The following CMIP variants were observed in gnomAD, a reference collection of about 807,000 sequenced individuals.
The protein encoded by CMIP is C-Maf-inducing protein.
Under a neutral mutation model 97.3 loss-of-function variants are expected in CMIP, and 13 were observed. That is an observed-to-expected ratio of 0.13 (90% CI 0.09 to 0.21). The LOEUF is 0.21. Ranked by LOEUF, CMIP falls within the 10% of genes least tolerant of loss-of-function variation. The pLI, the probability that CMIP is intolerant of heterozygous loss-of-function variation, is 1.00. For missense variants in CMIP, 847 were observed against 1,024.9 expected, an observed-to-expected ratio of 0.83 and a Z score of 2.37; for synonymous variants, 538 against 436.3, an observed-to-expected ratio of 1.23 and a Z score of -2.91.
intron 1 of CMIP, among the ~76,000 whole-genome samples, chr16:81,510,266 C>T (rs917689541): frequency 2.6e-5 from 4 of 152,166 alleles, no homozygotes; most frequent in Non-Finnish European, 5.9e-5. Flanking sequence ...GAGCAGGTGT[C>T]AGGGCCCTTG....
intron 1 of CMIP, among the ~76,000 whole-genome samples, chr16:81,546,245 A>G (rs2090544491): frequency 1.3e-5 from 2 of 152,272 alleles, no homozygotes; most frequent in South Asian, 2.1e-4. Flanking sequence ...GAGAAGACAG[A>G]CTTGCCCTAC....
chr16:81,604,465 C>T (rs921601695), intron 1 of CMIP, among the ~76,000 whole-genome samples: 22 of 148,636 alleles, frequency 1.5e-4, no homozygotes, highest in South Asian at 8.6e-4. Context: ...TTTGGGAGAC[C>T]GAAGCAGGTG....
chr16:81,518,591 T>C (rs2089961234), intron 1 of CMIP: 1 of 152,220 alleles, frequency 6.6e-6, no homozygotes, highest in Admixed American at 6.5e-5. Flanking sequence ...TGTGTTTATT[T>C]CTGAGCAGCC....
intron 1 of CMIP, among the ~76,000 whole-genome samples, chr16:81,492,103 A>G (rs1184805475): frequency 6.6e-6 from 1 of 152,168 alleles, no homozygotes; most frequent in Non-Finnish European, 1.5e-5. Flanking sequence ...ATGATGAAAG[A>G]TCATTTGGAA....
At chr16:81,467,616 T>C (rs1355386902) in intron 1 of CMIP, among the ~76,000 whole-genome samples, 1 of 151,506 alleles carries the variant, frequency 6.6e-6, no homozygotes, top group Non-Finnish European at 1.5e-5. Context: ...AGTCTCGTTC[T>C]GTCACCCAGG....
chr16:81,670,942 C>T (rs1180484158), intron 8 of CMIP, among the ~76,000 whole-genome samples: 1 of 152,130 alleles, frequency 6.6e-6, no homozygotes, highest in Non-Finnish European at 1.5e-5. Flanking sequence ...AATTCTCCTG[C>T]CTCAGCCTCC....
chr16:81,703,887 G>A, intron 17 of CMIP, 52 bp from the exon 18 acceptor site: 1 of 1,552,760 alleles, frequency 6.4e-7, no homozygotes, highest in Non-Finnish European at 8.7e-7. Context: ...AGGGCTCAGG[G>A]TCTCGGGAAC....
chr16:81,580,250 C>T (rs187987982), intron 1 of CMIP, among the ~76,000 whole-genome samples: 215 of 152,302 alleles, frequency 1.4e-3, no homozygotes, highest in Non-Finnish European at 2.5e-3. Context: ...AGGGGACAGA[C>T]AAGAATCAGA....
chr16:81,703,921 TC>T lies in CMIP; in HGVS notation c.1945-13del, dbSNP rs750822610. On this transcript the variant is annotated splice_polypyrimidine_tract_variant and intron_variant, in intron 17 of 20. Coordinates refer to ENST00000537098, the MANE Select transcript of CMIP (RefSeq NM_198390.3). ...ACTCCCAGCAGCACCCTCAGGCCTC[TC>T]CCCCGTCTGCCCGCAGGACGCTGAC... 3.8e-6 allele frequency: 6 copies of T among 1,585,254 alleles called. No individual in the cohort carries two copies. The highest frequency in any genetic ancestry group is 3.5e-5 in the Admixed American group (2 of 57,774).
chr16:81,488,796 T>G (rs1597469802), intron 1 of CMIP, among the ~76,000 whole-genome samples: 1 of 152,094 alleles, frequency 6.6e-6, no homozygotes, highest in Non-Finnish European at 1.5e-5. Flanking sequence ...GCAGGCCCAG[T>G]GTGATCTGGA....
rs1381233392 is a variant in CMIP, at chr16:81,627,727, A to G, written c.477+6801A>G. ...GGGGACTGAGCGTCCAAGTGGATAA[A>G]GGATGAGGATAAAGGACCGTGCCAA... On this transcript the variant is annotated intron_variant, in intron 3 of 20. Transcript: ENST00000537098. This position sits in a 1 kb window ranked among gnomAD's most constrained non-coding sequence, Gnocchi z 4.6. Among the ~76,000 whole-genome samples the G allele has an allele frequency of 6.6e-6, 1 of 152,146 alleles. No homozygotes were observed. Among genetic ancestry groups the G allele is most frequent in the Non-Finnish European group, 1.5e-5 (1 of 68,016 alleles).
At chr16:81,568,049 T>TTTG (rs1567584440) in intron 1 of CMIP, among the ~76,000 whole-genome samples, 14 of 149,696 alleles carry the variant, frequency 9.4e-5, no homozygotes, top group African/African-American at 3.2e-4. Flanking sequence ...GTTTTTTTTT[T>TTTG]TTTTTTTTTT....
rs2092087083 is a variant in CMIP, at chr16:81,627,335, C to T, written c.477+6409C>T. Among the ~76,000 whole-genome samples the T allele has an allele frequency of 1.3e-5, 2 of 151,946 alleles. No homozygotes were observed. Among genetic ancestry groups the T allele is most frequent in the African/African-American group, 2.4e-5 (1 of 41,306 alleles). On this transcript the variant is annotated intron_variant, in intron 3 of 20. Coordinates refer to ENST00000537098, the MANE Select transcript of CMIP (RefSeq NM_198390.3). This position sits in a 1 kb window ranked among gnomAD's most constrained non-coding sequence, Gnocchi z 4.6. ...CTCTGTGGAATGGGGATGATCATGG[C>T]GTCTCGTCACTGGGCCGTGTGAGGA...
At chr16:81,560,598 C>G (rs1038323880) in intron 1 of CMIP, among the ~76,000 whole-genome samples, 3 of 152,208 alleles carry the variant, frequency 2.0e-5, no homozygotes, top group African/African-American at 7.2e-5. Flanking sequence ...GGCAATGTCT[C>G]AGGCCTTCAC....
intron 3 of CMIP, among the ~76,000 whole-genome samples, chr16:81,628,007 A>C (rs1279042093): frequency 4.6e-5 from 7 of 152,110 alleles, no homozygotes; most frequent in Non-Finnish European, 8.8e-5. Context: ...CATCACCCTC[A>C]TCCCCATGCA....
At chr16:81,653,319 G>A (rs2092449468) in intron 4 of CMIP, among the ~76,000 whole-genome samples, 1 of 152,196 alleles carries the variant, frequency 6.6e-6, no homozygotes, top group Non-Finnish European at 1.5e-5. Flanking sequence ...TTTCTCTGCA[G>A]GCCCACACTG....
intron 1 of CMIP, among the ~76,000 whole-genome samples, chr16:81,593,530 G>A (rs1024817904): frequency 5.9e-5 from 9 of 152,232 alleles, no homozygotes; most frequent in Non-Finnish European, 1.3e-4. Context: ...ACTCCAAGCC[G>A]GAGCTTTCCT....
Position 81,531,398 on chromosome 16 carries a change from A to G in CMIP, c.301-76169A>G, listed in dbSNP as rs866002862. The stretch of plus-strand genomic sequence containing the variant: ...TAGGACTCTCAGCCTCCAGAACTTT[A>G]AGAAAGCACATTGCTGATATGCAGG... On this transcript the variant is annotated intron_variant, in intron 1 of 20. Transcript: ENST00000537098. Among the ~76,000 whole-genome samples the G allele has an allele frequency of 1.2e-4, 18 of 152,332 alleles. No individual in the cohort carries two copies. In the Middle Eastern group the frequency reaches 0.01, roughly 87 times the overall value.
intron 1 of CMIP, among the ~76,000 whole-genome samples, chr16:81,536,718 C>T (rs2090349386): frequency 6.6e-6 from 1 of 151,946 alleles, no homozygotes; most frequent in Non-Finnish European, 1.5e-5. Flanking sequence ...TAATACCTCT[C>T]ATTTTTCAGA....
Sources: gnomAD v4.1 joint callset for allele counts (sites outside exome capture counted in the v4.1 genomes callset) on GRCh38, gnomAD v4.1.1 for gene constraint, Gnocchi (gnomAD v3.1) non-coding constraint, MANE v1.5 for transcripts, NCBI Gene and HGNC (gene_info 2026-07-23, HGNC 2026-07-21) for gene names.